The following AFAP1 variants were observed in gnomAD, a reference collection of about 807,000 sequenced individuals.
The protein encoded by AFAP1 is actin filament-associated protein 1.
A neutral mutation model predicts 93.9 loss-of-function variants in AFAP1; 75 were observed. The observed-to-expected ratio is 0.80, with a 90% CI of 0.66 to 0.97. AFAP1 has a LOEUF of 0.97. AFAP1 is among the 50% of genes least tolerant of loss of function. The pLI, the probability that AFAP1 is intolerant of heterozygous loss-of-function variation, is 0.00. For synonymous variants in AFAP1, 517 were observed against 430.7 expected (o/e 1.20, Z -2.48); for missense variants, 1,201 against 1,050.8 (o/e 1.14, Z -1.98).
In AFAP1 at chr4:7,926,528, A is replaced by C. The variant is rs114150389; in HGVS notation, c.-3+13128T>G. Among the ~76,000 whole-genome samples the C allele has an allele frequency of 2.3e-3, 353 of 152,184 alleles. 2 individuals carry two copies. The highest frequency in any genetic ancestry group is 8.1e-3 in the African/African-American group (336 of 41,526). ...CGCACTGCTCAGCCTCCAGGGTAGA[A>C]AGTTCCCCACACCCTCTACCCAAGG... On this transcript the variant is annotated intron_variant, in intron 1 of 17. Coordinates refer to ENST00000420658, the MANE Select transcript of AFAP1 (RefSeq NM_001134647.2).
At chr4:7,890,500 A>G (rs1201828096) in intron 1 of AFAP1, among the ~76,000 whole-genome samples, 2 of 152,340 alleles carry the variant, frequency 1.3e-5, no homozygotes, top group East Asian at 3.9e-4. Flanking sequence ...GTACTAATAT[A>G]TAAGAAAAAA....
intron 1 of AFAP1, among the ~76,000 whole-genome samples, chr4:7,936,054 A>G (rs1293002431): frequency 1.3e-5 from 2 of 152,212 alleles, no homozygotes; most frequent in Non-Finnish European, 2.9e-5. Context: ...TGGAGCATAT[A>G]ACAAAGAACT....
At chr4:7,873,964 T>C (rs547267474) in intron 1 of AFAP1, among the ~76,000 whole-genome samples, 5 of 152,342 alleles carry the variant, frequency 3.3e-5, no homozygotes, top group Admixed American at 3.3e-4. Flanking sequence ...GAAAAAATAA[T>C]TTTTGAAACT....
intron 1 of AFAP1, among the ~76,000 whole-genome samples, chr4:7,896,027 A>C (rs183073889): frequency 6.6e-6 from 1 of 151,790 alleles, no homozygotes; most frequent in Non-Finnish European, 1.5e-5. Flanking sequence ...CACCCGGCTA[A>C]TTTTTGTACT....
chr4:7,923,976 A>G (rs1720577286), intron 1 of AFAP1, among the ~76,000 whole-genome samples: 1 of 152,250 alleles, frequency 6.6e-6, no homozygotes, highest in South Asian at 2.1e-4. Context: ...AATGAGCAGG[A>G]GAAAAGGTAC....
chr4:7,795,930 T>C (rs1423061485), intron 10 of AFAP1, among the ~76,000 whole-genome samples: 1 of 152,212 alleles, frequency 6.6e-6, no homozygotes, highest in Non-Finnish European at 1.5e-5. Flanking sequence ...GAGGTATTAG[T>C]TCTCACAGCT....
At chr4:7,854,165 T>C (rs1189614879) in intron 4 of AFAP1, among the ~76,000 whole-genome samples, 1 of 152,216 alleles carries the variant, frequency 6.6e-6, no homozygotes, top group Non-Finnish European at 1.5e-5. Context: ...CCAATGACGT[T>C]CTGAGTTATA....
At chr4:7,780,873 C>T (rs933551015) in intron 13 of AFAP1, among the ~76,000 whole-genome samples, 22 of 151,798 alleles carry the variant, frequency 1.4e-4, no homozygotes, top group Non-Finnish European at 4.4e-5. Flanking sequence ...TTTAAAAAGT[C>T]CTTATTATCA....
intron 6 of AFAP1, among the ~76,000 whole-genome samples, chr4:7,835,935 T>G (rs1712242592): frequency 6.6e-6 from 1 of 152,070 alleles, no homozygotes; most frequent in African/African-American, 2.4e-5. Context: ...GAGAATAAAC[T>G]AATTTTGGAG....
intron 5 of AFAP1, among the ~76,000 whole-genome samples, chr4:7,840,261 GAT>G (rs879282669): frequency 0.36 from 20,105 of 55,820 alleles, 1,465 homozygotes; most frequent in African/African-American, 0.43. Flanking sequence ...TTGTTTTTGG[GAT>G]GTGTGTGTGT....
In AFAP1 at chr4:7,763,563, ACAT is replaced by A; in HGVS notation, c.*199_*201del. On this transcript the variant is annotated 3_prime_UTR_variant, in exon 18 of 18. Coordinates refer to ENST00000420658, the MANE Select transcript of AFAP1 (RefSeq NM_001134647.2). ...TAACAAAGTTGGGAACCAAAGTCTT[ACAT>A]CTTTTTTAAAGGCGCCATTTTACAG... 1 of 591,390 alleles carries A rather than the reference ACAT, an allele frequency of 1.7e-6. No homozygotes were observed. Among genetic ancestry groups the A allele is most frequent in the Non-Finnish European group, 2.9e-6 (1 of 341,370 alleles). The allele number at this position is 591,390 out of a possible 1,614,324, so 36.6% of individuals were successfully genotyped here. A position where few individuals can be genotyped will look rare whatever the true frequency, so the allele number is the denominator to read the frequency against.
At chr4:7,840,275 T>TGTGC (rs5855987) in intron 5 of AFAP1, among the ~76,000 whole-genome samples, 3,297 of 131,712 alleles carry the variant, frequency 0.025, 118 homozygotes, top group African/African-American at 0.081. Flanking sequence ...TGTGTGTGTG[T>TGTGC]GTGTGTGTGT....
At chr4:7,804,953 C>G (rs1011812259) in intron 9 of AFAP1, among the ~76,000 whole-genome samples, 2 of 152,190 alleles carry the variant, frequency 1.3e-5, no homozygotes, top group African/African-American at 2.4e-5. Flanking sequence ...ACGCCTCCTT[C>G]CCACTCTTCG....
intron 2 of AFAP1, among the ~76,000 whole-genome samples, chr4:7,869,085 GAGAA>G (rs1345206660): frequency 7.4e-6 from 1 of 135,362 alleles, no homozygotes; most frequent in Non-Finnish European, 1.6e-5. Flanking sequence ...AAAAAGAAAA[GAGAA>G]AGAAAAAGAG....
At chr4:7,822,888 C>G (rs193020491) in intron 6 of AFAP1, among the ~76,000 whole-genome samples, 3 of 149,370 alleles carry the variant, frequency 2.0e-5, no homozygotes, top group African/African-American at 7.5e-5. Flanking sequence ...CCACTGCGCC[C>G]GGCCCCTCTT....
intron 2 of AFAP1, among the ~76,000 whole-genome samples, chr4:7,871,298 G>A (rs1412769051): frequency 6.6e-6 from 1 of 152,208 alleles, no homozygotes; most frequent in African/African-American, 2.4e-5. Flanking sequence ...ACCATTCCCT[G>A]ATGGACAAGG....
intron 6 of AFAP1, among the ~76,000 whole-genome samples, chr4:7,826,196 C>T (rs1319775765): frequency 2.0e-5 from 3 of 152,174 alleles, no homozygotes; most frequent in Non-Finnish European, 2.9e-5. Flanking sequence ...CAAGGTGCCC[C>T]GGTGACAGAA....
chr4:7,797,880 A>T lies in AFAP1; in HGVS notation c.1266+2562T>A, dbSNP rs1289058436. On this transcript the variant is annotated intron_variant, in intron 10 of 17. Coordinates refer to ENST00000420658, the MANE Select transcript of AFAP1 (RefSeq NM_001134647.2). ...CCTACACAAAGACATACAGACGTAGAGAGAAAGGGGCACGGGGGAGAGTAC... is the reference window on the plus strand; with the variant it reads ...CCTACACAAAGACATACAGACGTAGTGAGAAAGGGGCACGGGGGAGAGTAC... Among the ~76,000 whole-genome samples the T allele has an allele frequency of 3.3e-5, 5 of 152,190 alleles. No individual in the cohort carries two copies. The East Asian group carries it at 9.6e-4, about 29-fold the overall frequency.
intron 1 of AFAP1, among the ~76,000 whole-genome samples, chr4:7,879,539 A>T (rs1408371540): frequency 6.6e-6 from 1 of 152,120 alleles, no homozygotes; most frequent in Admixed American, 6.5e-5. Context: ...CCAAACACCG[A>T]CACCAAACAA....
Sources: gnomAD v4.1 joint callset for allele counts (sites outside exome capture counted in the v4.1 genomes callset) on GRCh38, gnomAD v4.1.1 for gene constraint, MANE v1.5 for transcripts, NCBI Gene and HGNC (gene_info 2026-07-23, HGNC 2026-07-21) for gene names.